The following RBPMS2 variants were observed in gnomAD, a reference collection of about 807,000 sequenced individuals.
RBPMS2 encodes RNA-binding protein with multiple splicing 2.
A neutral mutation model predicts 25.7 loss-of-function variants in RBPMS2; 14 were observed. That is an observed-to-expected ratio of 0.55 (90% CI 0.36 to 0.85). The LOEUF (loss-of-function observed/expected upper bound fraction) is 0.85, where lower values mean the gene tolerates loss of function less well. Ranked by LOEUF, RBPMS2 falls within the 40% of genes least tolerant of loss-of-function variation. The probability of loss-of-function intolerance (pLI) is 0.01; values close to 1 mark genes in which losing one functional copy is unlikely to be tolerated. For missense variants in RBPMS2, 252 were observed against 283.4 expected (o/e 0.89, Z 0.80); for synonymous variants, 127 against 115.6 (o/e 1.10, Z -0.63).
At chr15:64,770,951 G>A (rs553582695) in intron 1 of RBPMS2, among the ~76,000 whole-genome samples, 1 of 152,298 alleles carries the variant, frequency 6.6e-6, no homozygotes, top group East Asian at 1.9e-4. Flanking sequence ...CAGCAGCCCT[G>A]TCCCAGCCAC....
chr15:64,752,002 T>C (rs1006174515), intron 1 of RBPMS2, among the ~76,000 whole-genome samples: 6 of 151,180 alleles, frequency 4.0e-5, no homozygotes, highest in African/African-American at 1.5e-4. Flanking sequence ...TCTTACTCTG[T>C]TGCCCAGGCT....
intron 6 of RBPMS2, among the ~76,000 whole-genome samples, chr15:64,744,263 G>C (rs747851712): frequency 2.6e-5 from 4 of 151,712 alleles, no homozygotes; most frequent in Non-Finnish European, 4.4e-5. Flanking sequence ...TTATCATAAA[G>C]AAAACAAAAC....
intron 1 of RBPMS2, among the ~76,000 whole-genome samples, chr15:64,756,646 T>G (rs2083733456): frequency 6.6e-6 from 1 of 150,546 alleles, no homozygotes; most frequent in Admixed American, 6.6e-5. Context: ...TATTTTTCAT[T>G]TCTTTTTTTT....
In RBPMS2 at chr15:64,749,121, C is replaced by A; in HGVS notation, c.297G>T (p.Gln99His). The stretch of plus-strand genomic sequence containing the variant: ...CTTTGGCAAACTCTAGCCTCAGAGT[C>A]TGTGGATTTTCGGGATCAAAGCGAA... ...NGIRFDPENP[Q>H]TLRLEFAKAN... The change falls in exon 5 of 8, where the codon CAG (glutamine) becomes CAT (histidine). Residue 99 changes from glutamine to histidine, a missense_variant. Transcript: ENST00000300069. The A allele has an allele frequency of 6.2e-7, 1 of 1,614,188 alleles. No individual in the cohort carries two copies. The highest frequency in any genetic ancestry group is 1.1e-5 in the South Asian group (1 of 91,082).
chr15:64,775,389 A>C lies in RBPMS2; in HGVS notation c.-70T>G. 1 of 905,978 alleles carries C rather than the reference A, an allele frequency of 1.1e-6. No individual in the cohort carries two copies. The highest frequency in any genetic ancestry group is 1.4e-6 in the Non-Finnish European group (1 of 701,230). 56.1% of individuals were successfully genotyped at this position (905,978 alleles called of 1,614,324 possible). A position where few individuals can be genotyped will look rare whatever the true frequency, so the allele number is the denominator to read the frequency against. On this transcript the variant is annotated 5_prime_UTR_variant, in exon 1 of 8. Coordinates refer to ENST00000300069, the MANE Select transcript of RBPMS2 (RefSeq NM_194272.3). ...GGCGCCGGCCCCGCGGGAAGTGGGA[A>C]GGGGCGCGGGGAGCGGTGCGCTCGC...
chr15:64,770,363 T>G (rs1259525318), intron 1 of RBPMS2, among the ~76,000 whole-genome samples: 1 of 152,244 alleles, frequency 6.6e-6, no homozygotes, highest in African/African-American at 2.4e-5. Context: ...TGTGCCTCAC[T>G]TTCCTCATTT....
chr15:64,749,383 G>T, intron 4 of RBPMS2, 48 bp downstream of exon 4: 1 of 1,529,384 alleles, frequency 6.5e-7, no homozygotes, highest in Non-Finnish European at 9.1e-7. Context: ...CACACCCACT[G>T]CCTAAGAGGG....
intron 6 of RBPMS2, among the ~76,000 whole-genome samples, chr15:64,744,525 T>A (rs1595784210): frequency 7.3e-6 from 1 of 136,262 alleles, no homozygotes; most frequent in African/African-American, 2.8e-5. Context: ...ACCATTGCAC[T>A]CCAGCCTGGG....
intron 3 of RBPMS2, 146 bp downstream of exon 3, chr15:64,750,197 A>C: frequency 2.6e-6 from 2 of 766,412 alleles, no homozygotes; most frequent in Non-Finnish European, 4.7e-6. Flanking sequence ...GGACCTACAG[A>C]GGCTGCTCTG....
intron 6 of RBPMS2, among the ~76,000 whole-genome samples, chr15:64,741,944 C>T (rs1338470739): frequency 6.6e-6 from 1 of 152,088 alleles, no homozygotes; most frequent in Non-Finnish European, 1.5e-5. Context: ...GGTGGGCGGA[C>T]CACCTGAGGT....
chr15:64,741,824 A>C (rs537648701), intron 6 of RBPMS2, among the ~76,000 whole-genome samples: 1 of 152,352 alleles, frequency 6.6e-6, no homozygotes, highest in South Asian at 2.1e-4. Flanking sequence ...ACATGGGCTC[A>C]GGAGTTCAAG....
Position 64,749,113 on chromosome 15 carries a change from C to T in RBPMS2, c.305G>A (p.Arg102Lys). ...GGTGTTGGCTTTGGCAAACTCTAGC[C>T]TCAGAGTCTGTGGATTTTCGGGATC... is the stretch of plus-strand genomic sequence containing the variant. ...RFDPENPQTL[R>K]LEFAKANTKM... The change falls in exon 5 of 8, where the codon AGG becomes AAG. Residue 102 changes from arginine to lysine, a missense_variant. Physicochemically the swap from Arg to Lys is conservative, Grantham distance 26 (BLOSUM62 2). Transcript: ENST00000300069. 1 of 1,614,162 alleles carries T rather than the reference C, an allele frequency of 6.2e-7. No homozygotes were observed.
chr15:64,761,187 G>A lies in RBPMS2; in HGVS notation c.88-9549C>T, dbSNP rs568006759. The A allele has an allele frequency of 7.9e-5, 12 of 152,140 alleles. No homozygotes were observed. In the East Asian group the frequency reaches 1.4e-3, roughly 17 times the overall value. The allele number at this position is 152,140 out of a possible 1,614,324, so 9.4% of individuals were successfully genotyped here. A position where few individuals can be genotyped will look rare whatever the true frequency, so the allele number is the denominator to read the frequency against. The stretch of plus-strand genomic sequence containing the variant: ...CAGTCCCCTACCCACTGCTTCGAGC[G>A]AGCTCTCCCGGTGTCATCCCGATGG... On this transcript the variant is annotated intron_variant, in intron 1 of 7. Coordinates refer to ENST00000300069, the MANE Select transcript of RBPMS2 (RefSeq NM_194272.3).
chr15:64,744,120 A>T (rs1252359400), intron 6 of RBPMS2, among the ~76,000 whole-genome samples: 1 of 152,056 alleles, frequency 6.6e-6, no homozygotes, highest in Non-Finnish European at 1.5e-5. Flanking sequence ...AAAAATAAAA[A>T]TAACTAAAAA....
At chr15:64,756,814 T>A (rs1427340914) in intron 1 of RBPMS2, among the ~76,000 whole-genome samples, 10 of 149,600 alleles carry the variant, frequency 6.7e-5, no homozygotes, top group African/African-American at 2.2e-4. Flanking sequence ...CTCTTTTTTT[T>A]TTTTTTGGAG....
intron 1 of RBPMS2, among the ~76,000 whole-genome samples, chr15:64,773,883 G>C (rs1336831470): frequency 6.6e-6 from 1 of 152,240 alleles, no homozygotes; most frequent in Non-Finnish European, 1.5e-5. Context: ...AAAGCCAAGG[G>C]CCTTTTGGCA....
chr15:64,771,531 A>C (rs920194717), intron 1 of RBPMS2, among the ~76,000 whole-genome samples: 2 of 151,904 alleles, frequency 1.3e-5, no homozygotes, highest in African/African-American at 4.8e-5. Flanking sequence ...AAAAATACAA[A>C]AATTAGCCAG....
chr15:64,741,704 A>G (rs1265247401), intron 6 of RBPMS2, among the ~76,000 whole-genome samples: 4 of 152,250 alleles, frequency 2.6e-5, no homozygotes, highest in East Asian at 1.9e-4. Flanking sequence ...TGACGAAGTC[A>G]TATGTGGTTG....
Position 64,748,567 on chromosome 15 carries a change from T to C in RBPMS2, c.419A>G (p.Tyr140Cys), listed in dbSNP as rs1267277214. The C allele has an allele frequency of 1.3e-6, 2 of 1,542,926 alleles. No homozygotes were observed. Among genetic ancestry groups the C allele is most frequent in the Non-Finnish European group, 1.7e-6 (2 of 1,147,272 alleles). ...LGAHFIARDP[Y>C]DLMGAALIPA... ...GATCAGAGCAGCCCCCATCAGGTCA[T>C]CTACAACAGGAGACAATGGCCTCCA... is the stretch of plus-strand genomic sequence containing the variant. The change falls in exon 6 of 8, where the codon TAT (tyrosine) becomes TGT (cysteine). Residue 140 changes from tyrosine (Y) to cysteine (C), a missense_variant and splice_region_variant. Tyr to Cys is a radical substitution (Grantham distance 194). Coordinates refer to ENST00000300069, the MANE Select transcript of RBPMS2 (RefSeq NM_194272.3).
Sources: allele counts gnomAD v4.1 joint callset (sites outside exome capture counted in the v4.1 genomes callset), GRCh38; gene constraint gnomAD v4.1.1; transcripts MANE v1.5; gene names NCBI Gene and HGNC (gene_info 2026-07-23, HGNC 2026-07-21).